Variants in MREG observed in about 807,000 individuals in gnomAD.
The protein encoded by MREG is melanoregulin.
A neutral mutation model predicts 28.5 loss-of-function variants in MREG; 31 were observed. That is an observed-to-expected ratio of 1.09 (90% CI 0.82 to 1.47). The LOEUF is 1.47. Among genes scored for constraint, MREG ranks in the 40% most tolerant of loss-of-function variants. The probability of loss-of-function intolerance (pLI) is 0.00; values close to 1 mark genes in which losing one functional copy is unlikely to be tolerated. For missense variants in MREG, 256 were observed against 257.4 expected (o/e 0.99, Z 0.04); for synonymous variants, 106 against 95.2 (o/e 1.11, Z -0.66).
intron 1 of MREG, among the ~76,000 whole-genome samples, chr2:216,010,732 C>T (rs1456130307): frequency 6.6e-6 from 1 of 151,966 alleles, no homozygotes; most frequent in African/African-American, 2.4e-5. Flanking sequence ...TGATTACATA[C>T]TCCAAGTATT....
intron 2 of MREG, among the ~76,000 whole-genome samples, chr2:215,979,466 A>AT (rs1693354394): frequency 5.6e-5 from 6 of 107,424 alleles, no homozygotes; most frequent in South Asian, 5.9e-4. Context: ...TCCATCTCAA[A>AT]AAATAATAAT....
intron 2 of MREG, among the ~76,000 whole-genome samples, chr2:215,972,991 TGAAAA>T (rs1693146043): frequency 6.6e-6 from 1 of 151,748 alleles, no homozygotes; most frequent in Non-Finnish European, 1.5e-5. Flanking sequence ...TGTAACTGGG[TGAAAA>T]GAAGGGAGAA....
intron 2 of MREG, among the ~76,000 whole-genome samples, chr2:215,955,890 C>T (rs1041105479): frequency 3.9e-5 from 6 of 152,066 alleles, no homozygotes; most frequent in East Asian, 1.9e-4. Context: ...ATAGTTCTGC[C>T]GCTACTGAAG....
At chr2:216,009,803 T>C (rs1694250590) in intron 1 of MREG, among the ~76,000 whole-genome samples, 1 of 152,166 alleles carries the variant, frequency 6.6e-6, no homozygotes. Flanking sequence ...CCCAAAGTGC[T>C]GGGATTACAG....
rs1692829526 is a variant in MREG at position 215,962,924 on chromosome 2, C to T, written c.256-15811G>A. On this transcript the variant is annotated intron_variant, in intron 2 of 4. Coordinates refer to ENST00000263268, the MANE Select transcript of MREG (RefSeq NM_018000.3). Reference sequence around the variant, plus strand: ...GCCAAAGCAGATGGATTGCTTGAGCCCAGGAGTTTGAGACCAGCCTGGGAA... The same window carrying T: ...GCCAAAGCAGATGGATTGCTTGAGCTCAGGAGTTTGAGACCAGCCTGGGAA... Among the ~76,000 whole-genome samples the T allele has an allele frequency of 2.0e-5, 3 of 151,986 alleles. No homozygotes were observed. The South Asian group carries it at 6.2e-4, about 32-fold the overall frequency.
chr2:216,008,807 A>T (rs1694226032), intron 1 of MREG, among the ~76,000 whole-genome samples: 1 of 152,204 alleles, frequency 6.6e-6, no homozygotes, highest in African/African-American at 2.4e-5. Context: ...CATTTACAAC[A>T]GTGCCTAGTC....
intron 1 of MREG, among the ~76,000 whole-genome samples, chr2:216,023,378 G>A (rs967014346): frequency 6.6e-6 from 1 of 152,154 alleles, no homozygotes; most frequent in East Asian, 1.9e-4. Context: ...GAGCTTAAAG[G>A]GACATAGTAA....
Position 215,964,840 on chromosome 2 carries a change from C to CAGACAGAT in MREG, c.256-17728_256-17727insATCTGTCT, listed in dbSNP as rs370423282. ...AGTTCTAAGAATCTAGACAGACAGACAGATAGATAGATAGATAGATAGATA... is the reference window on the plus strand; with the variant it reads ...AGTTCTAAGAATCTAGACAGACAGACAGACAGATAGATAGATAGATAGATAGATAGATA... On this transcript the variant is annotated intron_variant, in intron 2 of 4. Transcript: ENST00000263268. 4.8e-4 allele frequency among the ~76,000 whole-genome samples: 72 copies of CAGACAGAT among 149,744 alleles called. 1 individual carries two copies. The South Asian group carries it at 7.1e-3, about 15-fold the overall frequency.
chr2:215,986,298 A>G (rs541218668), intron 2 of MREG, among the ~76,000 whole-genome samples: 89 of 152,342 alleles, frequency 5.8e-4, no homozygotes, highest in Middle Eastern at 3.4e-3. Flanking sequence ...AAATTCCAGT[A>G]TTTGTGGGTC....
intron 2 of MREG, among the ~76,000 whole-genome samples, chr2:215,951,248 TG>T (rs1210649307): frequency 6.6e-6 from 1 of 152,182 alleles, no homozygotes; most frequent in Non-Finnish European, 1.5e-5. Flanking sequence ...AAAATAGTGA[TG>T]TAAAAAATGT....
intron 2 of MREG, among the ~76,000 whole-genome samples, chr2:215,979,411 C>T (rs569635907): frequency 3.3e-5 from 5 of 149,704 alleles, no homozygotes; most frequent in East Asian, 3.9e-4. Context: ...TGCAGTGAGC[C>T]GAGATCGCGC....
chr2:215,991,400 A>G (rs1359761416), intron 2 of MREG, among the ~76,000 whole-genome samples: 3 of 152,212 alleles, frequency 2.0e-5, no homozygotes, highest in Non-Finnish European at 4.4e-5. Flanking sequence ...CAGTGTTTAG[A>G]GGGAAATTTA....
intron 2 of MREG, among the ~76,000 whole-genome samples, chr2:215,995,829 T>C (rs1693857777): frequency 6.6e-6 from 1 of 152,020 alleles, no homozygotes; most frequent in South Asian, 2.1e-4. Flanking sequence ...CTCAAATAAA[T>C]AGTGGATCCA....
intron 2 of MREG, among the ~76,000 whole-genome samples, chr2:215,994,589 GGAA>G (rs1211884636): frequency 2.7e-5 from 4 of 149,240 alleles, no homozygotes; most frequent in African/African-American, 9.9e-5. Flanking sequence ...AGGGAGAAGG[GGAA>G]GAAGAAGGAG....
upstream of MREG, among the ~76,000 whole-genome samples, chr2:216,017,103 T>C (rs1400441680): frequency 6.6e-6 from 1 of 152,198 alleles, no homozygotes; most frequent in Non-Finnish European, 1.5e-5. Context: ...TCTGGACACA[T>C]AAACACATAT....
chr2:215,986,046 C>A (rs1318748559), intron 2 of MREG, among the ~76,000 whole-genome samples: 1 of 152,096 alleles, frequency 6.6e-6, no homozygotes, highest in East Asian at 1.9e-4. Flanking sequence ...CCTTCTAAAT[C>A]AATGGTGAGT....
At chr2:215,958,870 G>T (rs915807085) in intron 2 of MREG, among the ~76,000 whole-genome samples, 11 of 152,176 alleles carry the variant, frequency 7.2e-5, no homozygotes, top group Non-Finnish European at 1.3e-4. Context: ...AAGGGAAAAG[G>T]AGATGAGCAT....
intron 1 of MREG, among the ~76,000 whole-genome samples, chr2:216,000,613 A>G (rs779729315): frequency 8.5e-5 from 13 of 152,192 alleles, no homozygotes; most frequent in Admixed American, 1.3e-4. Context: ...CAGGTGGGTC[A>G]GTTCCTCTAG....
upstream of MREG, among the ~76,000 whole-genome samples, chr2:216,015,134 CGTGCGTCTGTGCGTGCGTACGT>C (rs956495884): frequency 6.6e-6 from 1 of 151,712 alleles, no homozygotes; most frequent in African/African-American, 2.4e-5. Flanking sequence ...TGTGTGCGCG[CGTGCGTCTGTGCGTGCGTACGT>C]GTGCGCGCGC....
Sources: allele counts gnomAD v4.1 joint callset (sites outside exome capture counted in the v4.1 genomes callset), GRCh38; gene constraint gnomAD v4.1.1; transcripts MANE v1.5; gene names NCBI Gene and HGNC (gene_info 2026-07-23, HGNC 2026-07-21).